Variants in DNM3 observed in about 807,000 individuals in gnomAD.
The protein encoded by DNM3 is dynamin-3.
DNM3 carries 47 observed loss-of-function variants against 101.6 expected under a neutral mutation model. That is an observed-to-expected ratio of 0.46 (90% confidence interval 0.37 to 0.59). DNM3 has a LOEUF of 0.59. Among genes scored for constraint, DNM3 ranks in the 20% least tolerant of loss-of-function variants. DNM3 has a pLI of 0.00. For synonymous variants in DNM3, 385 were observed against 387.9 expected (o/e 0.99, Z 0.09); for missense variants, 849 against 1,085.7 (o/e 0.78, Z 3.06).
Position 172,378,906 on chromosome 1 carries a change from G to T in DNM3, c.1894-112G>T, listed in dbSNP as rs1444417580. 2.5e-6 allele frequency: 3 copies of T among 1,207,896 alleles called. No homozygotes were observed. In the South Asian group the frequency reaches 5.1e-5, roughly 21 times the overall value. 74.8% of individuals were successfully genotyped at this position (1,207,896 alleles called of 1,614,324 possible). ...TAAGATAAAAATGTTACCATCTACT[G>T]ATATAAACTCCAACTATGCTAATCA... On this transcript the variant is annotated intron_variant, in intron 17 of 20. Transcript: ENST00000627582.
chr1:172,317,842 C>T (rs1355853385), intron 16 of DNM3, among the ~76,000 whole-genome samples: 1 of 131,872 alleles, frequency 7.6e-6, no homozygotes, highest in Non-Finnish European at 1.7e-5. Flanking sequence ...CCTTCTGAAA[C>T]TATTCCAATC....
intron 1 of DNM3, among the ~76,000 whole-genome samples, chr1:171,855,342 C>T (rs1213561923): frequency 6.6e-6 from 1 of 152,126 alleles, no homozygotes; most frequent in Non-Finnish European, 1.5e-5. Flanking sequence ...TGAACATTCA[C>T]ATGCATGTGT....
chr1:172,307,328 A>C (rs955617275), intron 15 of DNM3, among the ~76,000 whole-genome samples: 3 of 152,252 alleles, frequency 2.0e-5, no homozygotes, highest in African/African-American at 7.2e-5. Context: ...ACGATGAGAT[A>C]ACATCTTACA....
chr1:172,366,494 C>A (rs981650002), intron 17 of DNM3: 3 of 151,926 alleles, frequency 2.0e-5, no homozygotes, highest in African/African-American at 7.2e-5. Flanking sequence ...ATATCAGAAC[C>A]TAGCTGAATG....
intron 4 of DNM3, among the ~76,000 whole-genome samples, 169 bp from the exon 5 acceptor site, chr1:172,032,233 A>C (rs1334711262): frequency 1.3e-5 from 2 of 152,024 alleles, no homozygotes; most frequent in Non-Finnish European, 2.9e-5. Flanking sequence ...TGTCCTCCTC[A>C]TCACACTGAA....
rs58835347 is a variant in DNM3 at position 172,347,194 on chromosome 1, G to GCC, written c.1893+23861_1893+23862dup. Among the ~76,000 whole-genome samples, 888 of 147,270 alleles carry GCC rather than the reference G, an allele frequency of 6.0e-3. 5 individuals are homozygous for GCC. Among genetic ancestry groups the GCC allele is most frequent in the Middle Eastern group, 0.017 (5 of 288 alleles). ...ACCACCCTCAGAGGAACTAGCAGAA[G>GCC]CCCCCCCCGCCAAAAAAAATTATTT... On this transcript the variant is annotated intron_variant, in intron 17 of 20. Coordinates refer to ENST00000627582, the MANE Select transcript of DNM3 (RefSeq NM_015569.5).
intron 1 of DNM3, among the ~76,000 whole-genome samples, chr1:171,916,664 T>C (rs1446372384): frequency 1.3e-5 from 2 of 152,238 alleles, no homozygotes; most frequent in Admixed American, 6.5e-5. Flanking sequence ...ACCCTGTCTT[T>C]GATCTTTCTC....
chr1:172,192,826 G>A (rs577819411), intron 14 of DNM3, among the ~76,000 whole-genome samples: 12 of 151,436 alleles, frequency 7.9e-5, no homozygotes, highest in South Asian at 4.2e-4. Context: ...GAATAATGTC[G>A]CAATAAACAT....
intron 10 of DNM3, among the ~76,000 whole-genome samples, chr1:172,065,697 C>A (rs111881965): frequency 6.6e-6 from 1 of 152,056 alleles, no homozygotes; most frequent in Non-Finnish European, 1.5e-5. Context: ...GGTGAGAAAT[C>A]GAGGACCTCA....
chr1:171,869,157 A>G (rs1367882766), intron 1 of DNM3, among the ~76,000 whole-genome samples: 1 of 152,128 alleles, frequency 6.6e-6, no homozygotes, highest in Non-Finnish European at 1.5e-5. Context: ...GTACCTAAAC[A>G]TCATGTGGTT....
chr1:172,338,211 C>T lies in DNM3; in HGVS notation c.1893+14871C>T, dbSNP rs182582700. Among the ~76,000 whole-genome samples the T allele has an allele frequency of 6.7e-3, 1,021 of 152,144 alleles. 10 individuals are homozygous for T. The highest frequency in any genetic ancestry group is 0.011 in the Non-Finnish European group (781 of 67,996). On this transcript the variant is annotated intron_variant, in intron 17 of 20. Transcript: ENST00000627582. ...ATTACAGGCGTGAGCCACTGCACCC[C>T]GCCTGGGAGTATTCATTTTAAACAA...
chr1:171,988,639 C>T (rs2125619872), intron 3 of DNM3, among the ~76,000 whole-genome samples: 1 of 152,266 alleles, frequency 6.6e-6, no homozygotes, highest in Non-Finnish European at 1.5e-5. Context: ...ATATGCATTT[C>T]TCATTTGGTG....
Position 172,053,659 on chromosome 1 carries a change from G to C in DNM3, c.1335+4909G>C, listed in dbSNP as rs192871906. Among the ~76,000 whole-genome samples, 170 of 152,218 alleles carry C rather than the reference G, an allele frequency of 1.1e-3. 2 individuals carry two copies. Among genetic ancestry groups the C allele is most frequent in the Admixed American group, 6.8e-3 (104 of 15,296 alleles). ...AATTTAGATGTTCTAAAGTTATCCA[G>C]TGGTCAAAAATATATATACTTGGTT... On this transcript the variant is annotated intron_variant, in intron 10 of 20. Coordinates refer to ENST00000627582, the MANE Select transcript of DNM3 (RefSeq NM_015569.5).
chr1:172,070,517 A>G (rs931513305), intron 11 of DNM3, among the ~76,000 whole-genome samples: 4 of 152,240 alleles, frequency 2.6e-5, no homozygotes, highest in African/African-American at 9.6e-5. Flanking sequence ...TATTTAAAGC[A>G]TTTTAAATAT....
intron 18 of DNM3, among the ~76,000 whole-genome samples, chr1:172,385,398 C>T (rs955231247): frequency 1.2e-4 from 19 of 152,218 alleles, no homozygotes; most frequent in African/African-American, 4.6e-4. Flanking sequence ...CCTTGGCATT[C>T]AAGGCCTTCG....
At chr1:172,098,781 C>T (rs994474875) in intron 13 of DNM3, among the ~76,000 whole-genome samples, 3 of 152,188 alleles carry the variant, frequency 2.0e-5, no homozygotes, top group South Asian at 2.1e-4. Context: ...CTGGTCCCTC[C>T]GTTCGGGGTC....
At chr1:172,336,689 G>T (rs1273081978) in intron 17 of DNM3, among the ~76,000 whole-genome samples, 1 of 146,264 alleles carries the variant, frequency 6.8e-6, no homozygotes. Context: ...GTTTGATCGT[G>T]TCTTTACCTT....
chr1:172,174,534 T>C (rs1572831462), intron 14 of DNM3, among the ~76,000 whole-genome samples: 2 of 151,752 alleles, frequency 1.3e-5, no homozygotes, highest in Non-Finnish European at 2.9e-5. Flanking sequence ...TTACACGTTG[T>C]TGATTTATCT....
At chr1:172,138,990 G>A (rs1054640831) in intron 14 of DNM3, 8 of 464,132 alleles carry the variant, frequency 1.7e-5, no homozygotes, top group Non-Finnish European at 3.1e-5. Context: ...AGAGTAAGGG[G>A]AAAGGGAGAA....
Sources: allele counts gnomAD v4.1 joint callset (sites outside exome capture counted in the v4.1 genomes callset), GRCh38; gene constraint gnomAD v4.1.1; transcripts MANE v1.5; gene names NCBI Gene and HGNC (gene_info 2026-07-23, HGNC 2026-07-21).